Variants in TMEM132D observed in about 807,000 individuals in gnomAD.
TMEM132D encodes the protein mature OL transmembrane protein.
TMEM132D carries 21 observed loss-of-function variants against 62.3 expected under a neutral mutation model. That is an observed-to-expected ratio of 0.34 (90% confidence interval 0.24 to 0.49). The LOEUF (loss-of-function observed/expected upper bound fraction) is 0.49. Among genes scored for constraint, TMEM132D ranks in the 20% least tolerant of loss-of-function variants. TMEM132D has a pLI of 0.99. For missense variants in TMEM132D, 1,346 were observed against 1,402.8 expected, an observed-to-expected ratio of 0.96 and a Z score of 0.65; for synonymous variants, 621 against 575.6, an observed-to-expected ratio of 1.08 and a Z score of -1.13.
chr12:129,738,174 A>G (rs1024935424), intron 1 of TMEM132D, among the ~76,000 whole-genome samples: 2 of 152,202 alleles, frequency 1.3e-5, no homozygotes, highest in South Asian at 2.1e-4. Context: ...AAAAAAATCA[A>G]TGAGATTAGA....
intron 3 of TMEM132D, among the ~76,000 whole-genome samples, chr12:129,480,217 G>A (rs1204122980): frequency 6.6e-6 from 1 of 152,384 alleles, no homozygotes; most frequent in East Asian, 1.9e-4. Context: ...GGAAGAAGGT[G>A]CATGGAGCTG....
chr12:129,236,657 G>A (rs1879795182), intron 4 of TMEM132D, among the ~76,000 whole-genome samples: 1 of 151,900 alleles, frequency 6.6e-6, no homozygotes, highest in African/African-American at 2.4e-5. Flanking sequence ...TATATATAAG[G>A]TCATGTCATT....
At chr12:129,214,599 C>T (rs976461987) in intron 4 of TMEM132D, among the ~76,000 whole-genome samples, 2 of 152,014 alleles carry the variant, frequency 1.3e-5, no homozygotes, top group African/African-American at 4.8e-5. Flanking sequence ...ATTTCTGGCC[C>T]AGAAGATATC....
chr12:129,558,055 G>T (rs1264059692), intron 2 of TMEM132D, among the ~76,000 whole-genome samples: 1 of 152,076 alleles, frequency 6.6e-6, no homozygotes, highest in African/African-American at 2.4e-5. Context: ...ACATAGTCAG[G>T]GTGGTGTATA....
intron 5 of TMEM132D, among the ~76,000 whole-genome samples, chr12:129,207,823 T>C (rs1252708638): frequency 1.3e-5 from 2 of 152,190 alleles, no homozygotes; most frequent in East Asian, 1.9e-4. Flanking sequence ...CACGTGGCCA[T>C]TTAATACATT....
chr12:129,722,899 C>T (rs528294975), intron 1 of TMEM132D, among the ~76,000 whole-genome samples: 151 of 152,130 alleles, frequency 9.9e-4, no homozygotes, highest in African/African-American at 3.6e-3. Context: ...GACACCACAT[C>T]CAGCTAATTT....
At chr12:129,421,304 C>T (rs1014208098) in intron 3 of TMEM132D, among the ~76,000 whole-genome samples, 7 of 74,914 alleles carry the variant, frequency 9.3e-5, no homozygotes, top group African/African-American at 3.6e-4. Flanking sequence ...TAGTATGTAT[C>T]ACAAGACAAT....
chr12:129,571,324 G>C (rs879921130), intron 2 of TMEM132D, among the ~76,000 whole-genome samples: 18 of 152,180 alleles, frequency 1.2e-4, no homozygotes, highest in Non-Finnish European at 2.2e-4. Flanking sequence ...CCAGCACTTT[G>C]GGAGGCCGAG....
chr12:129,849,390 G>C (rs74937899), intron 1 of TMEM132D, among the ~76,000 whole-genome samples: 1,868 of 152,164 alleles, frequency 0.012, 40 homozygotes, highest in African/African-American at 0.042. Flanking sequence ...AAATCTCCCC[G>C]CTTAGTTTGA....
intron 4 of TMEM132D, among the ~76,000 whole-genome samples, chr12:129,235,905 G>A (rs191614502): frequency 4.1e-4 from 63 of 152,092 alleles, no homozygotes; most frequent in African/African-American, 1.4e-3. Flanking sequence ...AATTTCAAGG[G>A]GGACTGCATT....
At chr12:129,539,221 T>C (rs1302235160) in intron 2 of TMEM132D, among the ~76,000 whole-genome samples, 1 of 146,240 alleles carries the variant, frequency 6.8e-6, no homozygotes, top group Non-Finnish European at 1.5e-5. Flanking sequence ...ACTCGTGAAA[T>C]GTTTATTTCC....
chr12:129,827,524 A>G lies in TMEM132D; in HGVS notation c.79+75737T>C, dbSNP rs141310335. Among the ~76,000 whole-genome samples, 847 of 152,334 alleles carry G rather than the reference A, an allele frequency of 5.6e-3. 4 individuals are homozygous for G. Among genetic ancestry groups the G allele is most frequent in the Non-Finnish European group, 8.5e-3 (579 of 68,036 alleles). ...CTATTTTACTTCTATGGCTGATTAG[A>G]CTGAGTCCACAGTAATTTCTGTCCT... is the stretch of plus-strand genomic sequence containing the variant. On this transcript the variant is annotated intron_variant, in intron 1 of 8. Transcript: ENST00000422113. This position sits in a 1 kb window ranked among gnomAD's most constrained non-coding sequence, Gnocchi z 9.7.
chr12:129,601,689 A>G (rs1410249911), intron 2 of TMEM132D, among the ~76,000 whole-genome samples: 1 of 151,612 alleles, frequency 6.6e-6, no homozygotes, highest in Non-Finnish European at 1.5e-5. Flanking sequence ...AGATAGAAGA[A>G]TAGCTGTCTG....
chr12:129,151,359 T>C (rs1877065374), intron 5 of TMEM132D, among the ~76,000 whole-genome samples: 1 of 152,088 alleles, frequency 6.6e-6, no homozygotes, highest in African/African-American at 2.4e-5. Context: ...TTTGTTGGGG[T>C]TGCCTTATTC....
At chr12:129,152,630 T>C (rs1877107581) in intron 5 of TMEM132D, among the ~76,000 whole-genome samples, 1 of 152,156 alleles carries the variant, frequency 6.6e-6, no homozygotes, top group Non-Finnish European at 1.5e-5. Context: ...GAGAGAGGTC[T>C]CCCAGGTGGA....
intron 1 of TMEM132D, among the ~76,000 whole-genome samples, chr12:129,877,630 G>C (rs10847964): frequency 0.74 from 101,316 of 137,528 alleles, 36,600 homozygotes; most frequent in Non-Finnish European, 0.83. Flanking sequence ...CACACACACA[G>C]AGAGAGAGAG....
intron 4 of TMEM132D, among the ~76,000 whole-genome samples, chr12:129,283,664 A>T (rs1881219606): frequency 6.6e-6 from 1 of 152,194 alleles, no homozygotes; most frequent in Admixed American, 6.5e-5. Context: ...AGGGCAGGTG[A>T]GGCAGTGACT....
At chr12:129,747,807 TACAC>T (rs778211444) in intron 1 of TMEM132D, among the ~76,000 whole-genome samples, 1 of 142,720 alleles carries the variant, frequency 7.0e-6, no homozygotes, top group African/African-American at 2.7e-5. Context: ...ACACATTTGA[TACAC>T]ACACTTGACA....
intron 3 of TMEM132D, among the ~76,000 whole-genome samples, chr12:129,448,034 C>T (rs949934108): frequency 1.2e-4 from 19 of 152,168 alleles, no homozygotes; most frequent in African/African-American, 4.6e-4. Context: ...TAGTGCTTGG[C>T]TTCGTAGATG....
Sources: allele counts gnomAD v4.1 joint callset (sites outside exome capture counted in the v4.1 genomes callset), GRCh38; gene constraint gnomAD v4.1.1; non-coding constraint Gnocchi (gnomAD v3.1); transcripts MANE v1.5; gene names NCBI Gene and HGNC (gene_info 2026-07-23, HGNC 2026-07-21).